CDH18: variants seen among roughly 807,000 people sequenced by gnomAD.
CDH18 encodes cadherin-18.
CDH18 carries 31 observed loss-of-function variants against 67.9 expected under a neutral mutation model. That is an observed-to-expected ratio of 0.46 (90% CI 0.34 to 0.62). CDH18 has a LOEUF of 0.62. CDH18 is among the 20% of genes least tolerant of loss of function. CDH18 has a pLI of 0.01. For missense variants in CDH18, 890 were observed against 975.5 expected (o/e 0.91, Z 1.17); for synonymous variants, 362 against 347.2 (o/e 1.04, Z -0.48).
intron 1 of CDH18, among the ~76,000 whole-genome samples, chr5:20,308,400 G>A (rs1017368442): frequency 6.6e-5 from 10 of 151,906 alleles, no homozygotes; most frequent in East Asian, 1.9e-4. Flanking sequence ...AAAATTAGCC[G>A]GGAGTGGCGG....
intron 1 of CDH18, among the ~76,000 whole-genome samples, chr5:20,491,370 T>C (rs1753573150): frequency 6.6e-6 from 1 of 152,056 alleles, no homozygotes; most frequent in African/African-American, 2.4e-5. Flanking sequence ...AACAGGAAAT[T>C]TTTAAAGAGG....
intron 2 of CDH18, among the ~76,000 whole-genome samples, chr5:20,125,300 G>GTGTA (rs1748727367): frequency 6.6e-6 from 1 of 151,616 alleles, no homozygotes; most frequent in Admixed American, 6.6e-5. Flanking sequence ...GTGTGTGTGT[G>GTGTA]TATATGTGTT....
intron 6 of CDH18, among the ~76,000 whole-genome samples, chr5:19,593,583 TC>T (rs1316518786): frequency 7.1e-6 from 1 of 140,428 alleles, no homozygotes; most frequent in Admixed American, 7.3e-5. Context: ...CACTTCTGTC[TC>T]CCCCTCCCCT....
At position 19,974,417 on chromosome 5, in the gene CDH18, G is replaced by A. The variant is rs1484235631; in HGVS notation, c.-257+6643C>T. The stretch of plus-strand genomic sequence containing the variant: ...ATGGTCATGTGCACCTGTAATCCCA[G>A]CTACTTGGGAGGCTGAGGCAGAATC... On this transcript the variant is annotated intron_variant, in intron 2 of 12. Transcript: ENST00000382275. Among the ~76,000 whole-genome samples the A allele has an allele frequency of 3.3e-5, 5 of 150,430 alleles. No individual in the cohort carries two copies. The East Asian group carries it at 9.9e-4, about 30-fold the overall frequency.
chr5:20,103,162 C>T (rs184833085), intron 2 of CDH18, among the ~76,000 whole-genome samples: 3 of 152,268 alleles, frequency 2.0e-5, no homozygotes, highest in Admixed American at 1.3e-4. Flanking sequence ...TTCTTTGAAA[C>T]ATCCCTTGTC....
At position 19,723,355 on chromosome 5, in the gene CDH18, T is replaced by A. The variant is rs965006397; in HGVS notation, c.524-1889A>T. Reference sequence around the variant, plus strand: ...AAGTTTATTCTGTGTCTTCAAGGGATCCTAGAAAATAGAATATGCCAAGCT... The same window carrying A: ...AAGTTTATTCTGTGTCTTCAAGGGAACCTAGAAAATAGAATATGCCAAGCT... On this transcript the variant is annotated intron_variant, in intron 4 of 12. Coordinates refer to ENST00000382275, the MANE Select transcript of CDH18 (RefSeq NM_004934.5). 6.6e-5 allele frequency among the ~76,000 whole-genome samples: 10 copies of A among 152,112 alleles called. No individual in the cohort carries two copies. In the East Asian group the frequency reaches 1.7e-3, roughly 26 times the overall value.
chr5:20,261,222 A>C (rs3925418), intron 1 of CDH18, among the ~76,000 whole-genome samples: 61,748 of 151,956 alleles, frequency 0.41, 12,593 homozygotes, highest in South Asian at 0.47. Flanking sequence ...CAATTGTGAA[A>C]ACTTTAAAAA....
chr5:20,005,174 T>C (rs917122764), intron 2 of CDH18, among the ~76,000 whole-genome samples: 3 of 151,784 alleles, frequency 2.0e-5, no homozygotes, highest in African/African-American at 4.8e-5. Context: ...GAAACAAAAA[T>C]AAATAAAGCA....
intron 2 of CDH18, among the ~76,000 whole-genome samples, chr5:20,111,350 T>C (rs1278818303): frequency 1.3e-5 from 2 of 152,244 alleles, no homozygotes; most frequent in African/African-American, 2.4e-5. Flanking sequence ...GCTGTTGTTG[T>C]TTTGGATGAA....
chr5:20,550,751 A>G (rs576867123), intron 1 of CDH18, among the ~76,000 whole-genome samples: 1 of 152,314 alleles, frequency 6.6e-6, no homozygotes, highest in East Asian at 1.9e-4. Context: ...GTTGCTATGA[A>G]GAAATTCCTA....
At chr5:20,570,308 A>G (rs11959190) in intron 1 of CDH18, among the ~76,000 whole-genome samples, 42,000 of 151,834 alleles carry the variant, frequency 0.28, 6,691 homozygotes, top group Middle Eastern at 0.41. Context: ...CTTTTCCATC[A>G]TTTTTTGTAA....
intron 7 of CDH18, among the ~76,000 whole-genome samples, chr5:19,577,561 T>C (rs1742516997): frequency 6.6e-6 from 1 of 152,220 alleles, no homozygotes; most frequent in Non-Finnish European, 1.5e-5. Flanking sequence ...ATTTTCATGC[T>C]AGGATTCAAA....
At chr5:20,376,239 G>A (rs1451621477) in intron 1 of CDH18, among the ~76,000 whole-genome samples, 4 of 151,030 alleles carry the variant, frequency 2.6e-5, no homozygotes, top group Admixed American at 1.3e-4. Flanking sequence ...GACTACAGGC[G>A]CCCGCCACCT....
At chr5:19,977,788 G>T (rs1267476029) in intron 2 of CDH18, among the ~76,000 whole-genome samples, 2 of 152,068 alleles carry the variant, frequency 1.3e-5, no homozygotes, top group Non-Finnish European at 1.5e-5. Flanking sequence ...CAAACTGGAA[G>T]GATAAATTTT....
chr5:19,955,120 C>T (rs1235978029), intron 2 of CDH18, among the ~76,000 whole-genome samples: 3 of 152,202 alleles, frequency 2.0e-5, no homozygotes, highest in African/African-American at 7.2e-5. Flanking sequence ...GGCACTTCTC[C>T]TTCCTGCTGC....
At position 20,234,482 on chromosome 5, in the gene CDH18, G is replaced by C. The variant is rs529366168; in HGVS notation, c.-518+20962C>G. 4.6e-5 allele frequency among the ~76,000 whole-genome samples: 7 copies of C among 152,100 alleles called. No homozygotes were observed. The South Asian group carries it at 1.2e-3, about 27-fold the overall frequency. On this transcript the variant is annotated intron_variant, in intron 2 of 14. Coordinates refer to the CDH18 transcript ENST00000507958. ...GATGCTTTTATATGAAGAGACATGA[G>C]AGCATGCTTCCTGTCTCTTCTCTCC...
chr5:20,515,790 C>T (rs1040666068), intron 1 of CDH18, among the ~76,000 whole-genome samples: 2 of 151,944 alleles, frequency 1.3e-5, no homozygotes, highest in Non-Finnish European at 2.9e-5. Context: ...TCTTAGAAAC[C>T]GATGCCAGTT....
At chr5:19,611,715 C>T (rs184522954) in intron 6 of CDH18, among the ~76,000 whole-genome samples, 2 of 152,118 alleles carry the variant, frequency 1.3e-5, no homozygotes, top group East Asian at 1.9e-4. Flanking sequence ...TAGTGACTGT[C>T]GTATAAAATG....
At chr5:19,855,547 G>T (rs1784191763) in intron 2 of CDH18, among the ~76,000 whole-genome samples, 1 of 151,692 alleles carries the variant, frequency 6.6e-6, no homozygotes, top group South Asian at 2.1e-4. Context: ...CAACAAATTT[G>T]GAATAAAAAG....
Sources: gnomAD v4.1 joint callset for allele counts (sites outside exome capture counted in the v4.1 genomes callset) on GRCh38, gnomAD v4.1.1 for gene constraint, MANE v1.5 for transcripts, NCBI Gene and HGNC (gene_info 2026-07-23, HGNC 2026-07-21) for gene names.